Variants in FHIT observed in about 807,000 individuals in gnomAD.
The protein encoded by FHIT is fragile histidine triad diadenosine triphosphatase.
Under a neutral mutation model 17.9 loss-of-function variants are expected in FHIT, and 19 were observed. That is an observed-to-expected ratio of 1.06 (90% CI 0.74 to 1.56). The LOEUF (loss-of-function observed/expected upper bound fraction) is 1.56, where lower values mean the gene tolerates loss of function less well. FHIT is among the 40% of genes most tolerant of loss of function. The probability of loss-of-function intolerance (pLI) is 0.00; values close to 1 mark genes in which losing one functional copy is unlikely to be tolerated. For missense variants in FHIT, 248 were observed against 189.2 expected (o/e 1.31, Z -1.82); for synonymous variants, 81 against 69.7 (o/e 1.16, Z -0.81).
At chr3:59,855,878 T>C (rs1702134287) in intron 8 of FHIT, among the ~76,000 whole-genome samples, 1 of 151,932 alleles carries the variant, frequency 6.6e-6, no homozygotes. Flanking sequence ...CCTCCCGGGT[T>C]CATGCCATTT....
At chr3:60,874,155 C>T (rs80203927) in intron 3 of FHIT, among the ~76,000 whole-genome samples, 4,814 of 152,116 alleles carry the variant, frequency 0.032, 251 homozygotes, top group African/African-American at 0.11. Context: ...CTAGACAAGG[C>T]TAATGGTAAT....
chr3:59,789,198 T>C (rs1179056710), intron 8 of FHIT, among the ~76,000 whole-genome samples: 3 of 152,184 alleles, frequency 2.0e-5, no homozygotes, highest in African/African-American at 7.2e-5. Context: ...AAAGCCCAGA[T>C]AGTAGGGGCA....
chr3:61,199,888 A>T (rs1332958565), intron 2 of FHIT, among the ~76,000 whole-genome samples: 1 of 152,228 alleles, frequency 6.6e-6, no homozygotes, highest in Non-Finnish European at 1.5e-5. Context: ...TGAATTCTTT[A>T]AATTAAAATA....
intron 4 of FHIT, among the ~76,000 whole-genome samples, chr3:60,821,334 T>C (rs944199478): frequency 1.3e-5 from 2 of 152,170 alleles, no homozygotes; most frequent in Non-Finnish European, 2.9e-5. Context: ...TAAGTGATTA[T>C]TTTACTCTAA....
At chr3:60,759,195 G>T (rs1413098396) in intron 4 of FHIT, among the ~76,000 whole-genome samples, 1 of 152,156 alleles carries the variant, frequency 6.6e-6, no homozygotes, top group Non-Finnish European at 1.5e-5. Context: ...TTATGGTTTT[G>T]AGTAGAACAG....
At chr3:60,967,646 T>A (rs1709809987) in intron 3 of FHIT, among the ~76,000 whole-genome samples, 2 of 152,304 alleles carry the variant, frequency 1.3e-5, no homozygotes, top group South Asian at 4.1e-4. Flanking sequence ...GGAGCAGGTA[T>A]CAGTTTCTAA....
At chr3:59,886,455 G>T (rs1333757148) in intron 8 of FHIT, among the ~76,000 whole-genome samples, 1 of 152,228 alleles carries the variant, frequency 6.6e-6, no homozygotes, top group Admixed American at 6.5e-5. Flanking sequence ...CTGGCTTATA[G>T]TTCTGCAGGC....
intron 3 of FHIT, among the ~76,000 whole-genome samples, chr3:60,925,517 T>C (rs1707546716): frequency 6.6e-6 from 1 of 152,092 alleles, no homozygotes; most frequent in South Asian, 2.1e-4. Flanking sequence ...TGCTGAGAGA[T>C]TTTGTCACCA....
chr3:60,094,038 T>C (rs1473329804), intron 5 of FHIT, among the ~76,000 whole-genome samples: 3 of 152,106 alleles, frequency 2.0e-5, no homozygotes, highest in African/African-American at 7.2e-5. Context: ...GCTGACTATA[T>C]GTGCTCTCAG....
At position 60,814,196 on chromosome 3, in the gene FHIT, G is replaced by C. The variant is rs576404964; in HGVS notation, c.-18+7723C>G. Among the ~76,000 whole-genome samples the C allele has an allele frequency of 2.0e-5, 3 of 152,134 alleles. No homozygotes were observed. The South Asian group carries it at 6.2e-4, about 32-fold the overall frequency. On this transcript the variant is annotated intron_variant, in intron 4 of 9. Coordinates refer to ENST00000492590, the MANE Select transcript of FHIT (RefSeq NM_002012.4). ...AAAAAATTCATTCATCTGTTTTTAT[G>C]TGTTTATTTTTTCAACTTTCATTTT...
intron 2 of FHIT, among the ~76,000 whole-genome samples, chr3:61,089,562 A>G (rs569029766): frequency 6.6e-6 from 1 of 152,180 alleles, no homozygotes; most frequent in Non-Finnish European, 1.5e-5. Flanking sequence ...TGTATACTTC[A>G]GTAAAAAAAA....
At chr3:60,448,147 G>C (rs112947212) in intron 5 of FHIT, among the ~76,000 whole-genome samples, 6 of 152,216 alleles carry the variant, frequency 3.9e-5, no homozygotes, top group African/African-American at 1.4e-4. Context: ...ACGGACTATA[G>C]CAGTGGATCT....
chr3:60,650,139 G>A (rs1268964464), intron 4 of FHIT, among the ~76,000 whole-genome samples: 1 of 152,102 alleles, frequency 6.6e-6, no homozygotes, highest in Non-Finnish European at 1.5e-5. Flanking sequence ...TGGGCTTGTG[G>A]TACCTCTGTT....
chr3:61,128,364 A>G (rs1361671281), intron 2 of FHIT, among the ~76,000 whole-genome samples: 2 of 152,220 alleles, frequency 1.3e-5, no homozygotes, highest in African/African-American at 4.8e-5. Context: ...ATGAAATATA[A>G]AAGTATCTCT....
At chr3:60,797,455 C>CAGTAGTAGA (rs1701021455) in intron 4 of FHIT, among the ~76,000 whole-genome samples, 1 of 147,998 alleles carries the variant, frequency 6.8e-6, no homozygotes, top group African/African-American at 2.5e-5. Flanking sequence ...AAAGAAATTG[C>CAGTAGTAGA]AGTAGTAGTA....
chr3:59,773,491 C>T (rs890516973), intron 8 of FHIT, among the ~76,000 whole-genome samples: 18 of 152,138 alleles, frequency 1.2e-4, no homozygotes, highest in Admixed American at 1.1e-3. Context: ...CTCACTTAAT[C>T]GAAAATGTTT....
intron 5 of FHIT, among the ~76,000 whole-genome samples, chr3:60,052,557 C>G (rs1007005870): frequency 6.6e-6 from 1 of 151,950 alleles, no homozygotes; most frequent in Non-Finnish European, 1.5e-5. Context: ...TCCTAGAAAT[C>G]GATCTGTCAT....
At chr3:60,731,727 G>A (rs553961687) in intron 4 of FHIT, among the ~76,000 whole-genome samples, 6 of 152,200 alleles carry the variant, frequency 3.9e-5, no homozygotes, top group South Asian at 2.1e-4. Flanking sequence ...GCTGATCACC[G>A]GTTTTAGGTT....
At chr3:59,887,741 A>G (rs779975683) in intron 8 of FHIT, among the ~76,000 whole-genome samples, 14 of 152,202 alleles carry the variant, frequency 9.2e-5, no homozygotes, top group Non-Finnish European at 1.9e-4. Flanking sequence ...AAAGGCATTC[A>G]GGTGACTGCC....
Sources: gnomAD v4.1 joint callset for allele counts (sites outside exome capture counted in the v4.1 genomes callset) on GRCh38, gnomAD v4.1.1 for gene constraint, MANE v1.5 for transcripts, NCBI Gene and HGNC (gene_info 2026-07-23, HGNC 2026-07-21) for gene names.